CACNG7: variants seen among roughly 807,000 people sequenced by gnomAD.
CACNG7 encodes voltage-dependent calcium channel gamma-7 subunit.
CACNG7 carries 9 observed loss-of-function variants against 26.3 expected under a neutral mutation model. The ratio of observed to expected loss-of-function variants is 0.34; its 90% CI spans 0.21 to 0.60. The LOEUF (loss-of-function observed/expected upper bound fraction) is 0.60, where lower values mean the gene tolerates loss of function less well. Among genes scored for constraint, CACNG7 ranks in the 20% least tolerant of loss-of-function variants. The pLI is 0.81. For synonymous variants in CACNG7, 170 were observed against 157.0 expected, an observed-to-expected ratio of 1.08 and a Z score of -0.62; for missense variants, 297 against 380.4, an observed-to-expected ratio of 0.78 and a Z score of 1.82.
Position 53,940,376 on chromosome 19 carries a change from T to G in CACNG7, c.425-1094T>G, listed in dbSNP as rs1289360781. 6.6e-6 allele frequency among the ~76,000 whole-genome samples: 1 copy of G among 152,294 alleles called. No individual in the cohort carries two copies. Among genetic ancestry groups the G allele is most frequent in the Middle Eastern group, 3.4e-3 (1 of 294 alleles). ...CACAGACCAAGACCTATATAAGTCG[T>G]TGCTATTATTATTGCTATTGTTGCA... On this transcript the variant is annotated intron_variant, in intron 4 of 5. Coordinates refer to ENST00000391767, the MANE Select transcript of CACNG7 (RefSeq NM_031896.5). The surrounding 1 kb of genome is among the most constrained non-coding windows in gnomAD (Gnocchi z 4.1).
intron 4 of CACNG7, among the ~76,000 whole-genome samples, chr19:53,926,928 G>A (rs1016216346): frequency 6.6e-6 from 1 of 152,138 alleles, no homozygotes; most frequent in Non-Finnish European, 1.5e-5. Flanking sequence ...AAAGAAGAGT[G>A]AGGGGGATGC....
intron 3 of CACNG7, 49 bp downstream of exon 3, chr19:53,914,635 G>C (rs756498242): frequency 1.3e-6 from 2 of 1,516,570 alleles, no homozygotes; most frequent in East Asian, 2.3e-5. Flanking sequence ...GATCACAGCC[G>C]AGTCGTGGAG....
intron 1 of CACNG7, among the ~76,000 whole-genome samples, chr19:53,911,828 T>C (rs952532373): frequency 4.6e-5 from 7 of 152,102 alleles, no homozygotes; most frequent in Admixed American, 3.3e-4. Flanking sequence ...AGGCACAGGA[T>C]CAGAGTTAGA....
rs774807875 is a variant in CACNG7, at chr19:53,909,680, G to C, written c.-30+163G>C. On this transcript the variant is annotated intron_variant, in intron 1 of 5. Coordinates refer to ENST00000391767, the MANE Select transcript of CACNG7 (RefSeq NM_031896.5). This position sits in a 1 kb window ranked among gnomAD's most constrained non-coding sequence, Gnocchi z 5.1. ...GGCTATGGGGGATGCAGGGACACCT[G>C]GGCCTGGCGATCCCGGAGGACGGGG... Among the ~76,000 whole-genome samples, 2 of 152,164 alleles carry C rather than the reference G, an allele frequency of 1.3e-5. No individual in the cohort carries two copies. Among genetic ancestry groups the C allele is most frequent in the Non-Finnish European group, 2.9e-5 (2 of 68,010 alleles).
intron 4 of CACNG7, among the ~76,000 whole-genome samples, chr19:53,933,846 G>T (rs989649628): frequency 2.0e-5 from 3 of 151,958 alleles, no homozygotes; most frequent in Non-Finnish European, 4.4e-5. Flanking sequence ...CTGAGGGACA[G>T]GGTATCCTGG....
At chr19:53,919,860 T>C (rs2068926756) in intron 4 of CACNG7, among the ~76,000 whole-genome samples, 2 of 134,564 alleles carry the variant, frequency 1.5e-5, no homozygotes, top group South Asian at 5.1e-4. Flanking sequence ...AGGCTGGTCA[T>C]TGGTGGACTT....
At chr19:53,933,039 C>T (rs1179347181) in intron 4 of CACNG7, among the ~76,000 whole-genome samples, 1 of 152,048 alleles carries the variant, frequency 6.6e-6, no homozygotes, top group East Asian at 1.9e-4. Context: ...CTCCTGACCT[C>T]AGGTGATCCG....
intron 4 of CACNG7, among the ~76,000 whole-genome samples, chr19:53,921,131 GT>G (rs1323953613): frequency 1.1e-5 from 1 of 87,690 alleles, no homozygotes; most frequent in Non-Finnish European, 2.2e-5. Context: ...GTTGCCCCAG[GT>G]CTGGTCATTG....
intron 4 of CACNG7, among the ~76,000 whole-genome samples, chr19:53,926,255 A>G (rs1056402547): frequency 6.6e-6 from 1 of 152,088 alleles, no homozygotes; most frequent in Non-Finnish European, 1.5e-5. Flanking sequence ...TGATTTGGCT[A>G]CTGCTCAGAT....
Position 53,940,941 on chromosome 19 carries a change from A to G in CACNG7, c.425-529A>G, listed in dbSNP as rs761012146. 2.0e-5 allele frequency among the ~76,000 whole-genome samples: 3 copies of G among 151,886 alleles called. No individual in the cohort carries two copies. The highest frequency in any genetic ancestry group is 4.4e-5 in the Non-Finnish European group (3 of 67,952). ...TCGGGAGTGGTGGCGGGCGCCTGTA[A>G]TCCCAGCTACTTGGGAGGCTGAGGC... On this transcript the variant is annotated intron_variant, in intron 4 of 5. Transcript: ENST00000391767. This position sits in a 1 kb window ranked among gnomAD's most constrained non-coding sequence, Gnocchi z 4.1.
intron 1 of CACNG7, among the ~76,000 whole-genome samples, chr19:53,910,637 A>G (rs2145894846): frequency 6.6e-6 from 1 of 152,234 alleles, no homozygotes; most frequent in East Asian, 1.9e-4. Flanking sequence ...AGACCCCCAA[A>G]TCACGGGATT....
intron 2 of CACNG7, among the ~76,000 whole-genome samples, chr19:53,914,289 A>G (rs2068880422): frequency 1.2e-5 from 1 of 84,610 alleles, no homozygotes; most frequent in South Asian, 3.6e-4. Flanking sequence ...AAAAAAAAAG[A>G]AAAAAAGAAA....
chr19:53,923,446 A>T (rs1246458504), intron 4 of CACNG7, among the ~76,000 whole-genome samples: 1 of 133,286 alleles, frequency 7.5e-6, no homozygotes, highest in Admixed American at 7.5e-5. Context: ...AGTTGTCCCC[A>T]GGCCTGGTCA....
intron 4 of CACNG7, among the ~76,000 whole-genome samples, chr19:53,915,865 G>A (rs1054341043): frequency 6.6e-6 from 1 of 152,186 alleles, no homozygotes; most frequent in East Asian, 1.9e-4. Flanking sequence ...AGGTAGAGCT[G>A]GGAATGAAAC....
intron 4 of CACNG7, among the ~76,000 whole-genome samples, chr19:53,923,011 C>T (rs74669069): frequency 4.1e-4 from 40 of 97,074 alleles, no homozygotes; most frequent in South Asian, 1.7e-3. Context: ...GGTGCAGTTG[C>T]CCCAGGCCTG....
At position 53,915,489 on chromosome 19, in the gene CACNG7, C is replaced by G. The variant is rs745326651; in HGVS notation, c.408C>G (p.Ile136Met). The G allele has an allele frequency of 6.2e-7, 1 of 1,614,130 alleles. No homozygotes were observed. Among genetic ancestry groups the G allele is most frequent in the Admixed American group, 1.7e-5 (1 of 60,018 alleles). The change falls in exon 4 of 6, where the codon ATC (isoleucine) becomes ATG (methionine). Residue 136 changes from isoleucine to methionine, a missense_variant. By Grantham distance (10) the Ile-to-Met change is conservative (BLOSUM62 1). Coordinates refer to ENST00000391767, the MANE Select transcript of CACNG7 (RefSeq NM_031896.5). ...QRTILAFVSG[I>M]FFILSGLSLV... ...CCATTCTGGCTTTTGTCTCTGGCATCTTCTTCATACTATCGGGTGAGCCTA... is the reference window on the plus strand; with the variant it reads ...CCATTCTGGCTTTTGTCTCTGGCATGTTCTTCATACTATCGGGTGAGCCTA...
intron 4 of CACNG7, among the ~76,000 whole-genome samples, chr19:53,930,427 C>T (rs2069064145): frequency 6.6e-6 from 1 of 152,152 alleles, no homozygotes; most frequent in African/African-American, 2.4e-5. Context: ...GGCTGGAGTG[C>T]AGTGGCTCAA....
chr19:53,923,183 GGTCATTGGTGGGGTTGTCCCAGGCTC>G lies in CACNG7; in HGVS notation c.424+7690_424+7715del, dbSNP rs1440166025. 1.4e-3 allele frequency among the ~76,000 whole-genome samples: 112 copies of G among 81,750 alleles called. 1 individual carries two copies. The highest frequency in any genetic ancestry group is 2.0e-3 in the African/African-American group (25 of 12,806). The allele number at this position is 81,750 out of a possible 152,430, so 53.6% of individuals were successfully genotyped here. ...TCATTGGTGGAGTTGTCCCAGGTCT[GGTCATTGGTGGGGTTGTCCCAGGCTC>G]GTCATTGGTGGAGTTGCCCCAGGTC... On this transcript the variant is annotated intron_variant, in intron 4 of 5. Coordinates refer to ENST00000391767, the MANE Select transcript of CACNG7 (RefSeq NM_031896.5).
chr19:53,930,144 C>T (rs969360585), intron 4 of CACNG7, among the ~76,000 whole-genome samples: 76 of 150,076 alleles, frequency 5.1e-4, no homozygotes, highest in Non-Finnish European at 2.1e-4. Context: ...ATCCCACCCA[C>T]CTGAATAATC....
Sources: gnomAD v4.1 joint callset for allele counts (sites outside exome capture counted in the v4.1 genomes callset) on GRCh38, gnomAD v4.1.1 for gene constraint, Gnocchi (gnomAD v3.1) non-coding constraint, MANE v1.5 for transcripts, NCBI Gene and HGNC (gene_info 2026-07-23, HGNC 2026-07-21) for gene names.